The following ADGRV1 variants were observed in gnomAD, a reference collection of about 807,000 sequenced individuals.
The protein encoded by ADGRV1 is G-protein coupled receptor 98.
Under a neutral mutation model 596.2 loss-of-function variants are expected in ADGRV1, and 359 were observed. The observed-to-expected ratio is 0.60, with a 90% CI of 0.55 to 0.66. The LOEUF is 0.66. ADGRV1 is among the 30% of genes least tolerant of loss of function. The pLI is 0.00. For synonymous variants in ADGRV1, 2,681 were observed against 2,679.2 expected (o/e 1.00, Z -0.02); for missense variants, 7,274 against 7,575.6 (o/e 0.96, Z 1.48).
chr5:90,813,167 T>TAAAAAA (rs1561786626), intron 74 of ADGRV1, among the ~76,000 whole-genome samples: 2 of 104,334 alleles, frequency 1.9e-5, no homozygotes, highest in Non-Finnish European at 3.8e-5. Context: ...AAAAAAAATT[T>TAAAAAA]ATTTGGCAGT....
chr5:91,081,681 G>A (rs1789398117), intron 86 of ADGRV1, among the ~76,000 whole-genome samples: 2 of 152,162 alleles, frequency 1.3e-5, no homozygotes, highest in South Asian at 4.1e-4. Context: ...AGCTACTTGG[G>A]AGGCTGAGGC....
At chr5:91,014,008 A>T (rs1423495404) in intron 85 of ADGRV1, among the ~76,000 whole-genome samples, 2 of 151,844 alleles carry the variant, frequency 1.3e-5, no homozygotes, top group Admixed American at 6.6e-5. Context: ...TAAAGATCAG[A>T]TGATCCTAGG....
At chr5:90,703,227 A>G (rs1157075800) in intron 34 of ADGRV1, among the ~76,000 whole-genome samples, 3 of 152,094 alleles carry the variant, frequency 2.0e-5, no homozygotes, top group Non-Finnish European at 2.9e-5. Flanking sequence ...AGGTATTTGC[A>G]AGCATTTTTA....
In ADGRV1 at chr5:90,694,541, TGTTGAA is replaced by T. The variant is rs1376098351; in HGVS notation, c.7789_7794del (p.Glu2597_Val2598del). The stretch of plus-strand genomic sequence containing the variant: ...CCAATACTTCCGAAGATGGCTTATT[TGTTGAA>T]GTTCAGGAGCAGCCCCAAACCTTGG... On this transcript the variant is annotated inframe_deletion, in exon 33 of 90. Coordinates refer to ENST00000405460, the MANE Select transcript of ADGRV1 (RefSeq NM_032119.4). 6.2e-7 allele frequency: 1 copy of T among 1,613,918 alleles called. No individual in the cohort carries two copies. Among genetic ancestry groups the T allele is most frequent in the Non-Finnish European group, 8.5e-7 (1 of 1,179,830 alleles).
chr5:90,648,775 C>T (rs1281226397), intron 17 of ADGRV1, among the ~76,000 whole-genome samples: 2 of 152,178 alleles, frequency 1.3e-5, no homozygotes, highest in Non-Finnish European at 2.9e-5. Context: ...AAACTAAAAA[C>T]TATTATCCTG....
chr5:90,643,462 G>A (rs1445016508), intron 13 of ADGRV1, among the ~76,000 whole-genome samples: 1 of 152,090 alleles, frequency 6.6e-6, no homozygotes, highest in East Asian at 1.9e-4. Context: ...GTTCTATTAT[G>A]CTTACTCACC....
intron 87 of ADGRV1, among the ~76,000 whole-genome samples, chr5:91,127,431 C>T (rs907411667): frequency 1.3e-5 from 2 of 150,674 alleles, no homozygotes; most frequent in Admixed American, 1.3e-4. Context: ...CCAGCTACTC[C>T]AGAGGCTGAG....
intron 83 of ADGRV1, among the ~76,000 whole-genome samples, chr5:90,915,212 C>T (rs1228933163): frequency 2.0e-5 from 3 of 152,022 alleles, no homozygotes; most frequent in African/African-American, 7.3e-5. Flanking sequence ...AAAGGTATTC[C>T]AATGTACTTT....
At chr5:90,753,520 A>C in intron 53 of ADGRV1, 54 bp from the exon 54 acceptor site, 1 of 1,301,654 alleles carries the variant, frequency 7.7e-7, no homozygotes, top group Non-Finnish European at 1.1e-6. Context: ...AAATATTCTT[A>C]CTACATAGTG....
chr5:90,877,799 A>G (rs1410495247), intron 83 of ADGRV1, among the ~76,000 whole-genome samples: 1 of 151,934 alleles, frequency 6.6e-6, no homozygotes, highest in Non-Finnish European at 1.5e-5. Flanking sequence ...CTCACAAGAC[A>G]TAAATCAATA....
At chr5:90,765,610 A>G (rs1445323269) in intron 59 of ADGRV1, among the ~76,000 whole-genome samples, 2 of 152,078 alleles carry the variant, frequency 1.3e-5, no homozygotes, top group African/African-American at 4.8e-5. Context: ...ATCACCTTAA[A>G]TATTTTTTCT....
chr5:91,061,890 C>T (rs1286015639), intron 85 of ADGRV1, among the ~76,000 whole-genome samples: 3 of 152,188 alleles, frequency 2.0e-5, no homozygotes, highest in Non-Finnish European at 2.9e-5. Flanking sequence ...CTCCCTTTTT[C>T]TCTCTATCAC....
intron 83 of ADGRV1, among the ~76,000 whole-genome samples, chr5:90,904,233 A>G (rs138964502): frequency 6.6e-6 from 1 of 152,206 alleles, no homozygotes; most frequent in African/African-American, 2.4e-5. Context: ...GGGAATGCAG[A>G]TATCTCTTCA....
Position 90,853,186 on chromosome 5 carries a change from A to G in ADGRV1, c.17205-98A>G. On this transcript the variant is annotated intron_variant, in intron 79 of 89. Transcript: ENST00000405460. Reference sequence around the variant, plus strand: ...TTTGTTGTGTTATTGTTATACATGAAGAATAGAATCCAAGTGTAATGCACT... The same window carrying G: ...TTTGTTGTGTTATTGTTATACATGAGGAATAGAATCCAAGTGTAATGCACT... 2.6e-6 allele frequency: 3 copies of G among 1,154,210 alleles called. No individual in the cohort carries two copies. In the East Asian group the frequency reaches 7.1e-5, roughly 27 times the overall value. The allele number at this position is 1,154,210 out of a possible 1,614,324, so 71.5% of individuals were successfully genotyped here. A position where few individuals can be genotyped will look rare whatever the true frequency, so the allele number is the denominator to read the frequency against.
chr5:90,770,129 C>T (rs1428030834), intron 59 of ADGRV1, among the ~76,000 whole-genome samples: 1 of 152,128 alleles, frequency 6.6e-6, no homozygotes, highest in Non-Finnish European at 1.5e-5. Context: ...TTAATGGACT[C>T]ACAGTTCCAC....
At chr5:90,818,898 C>T (rs1419438909) in intron 75 of ADGRV1, among the ~76,000 whole-genome samples, 14 of 149,232 alleles carry the variant, frequency 9.4e-5, no homozygotes, top group Middle Eastern at 3.4e-3. Flanking sequence ...TGTCTCTGCC[C>T]GGCTTTGGTA....
intron 62 of ADGRV1, 55 bp from the exon 63 acceptor site, chr5:90,778,372 G>A: frequency 6.8e-7 from 1 of 1,463,464 alleles, no homozygotes; most frequent in South Asian, 1.2e-5. Context: ...GAGGTTAGGA[G>A]TTTTTCTTGA....
At chr5:91,063,661 T>C (rs2151366246) in intron 85 of ADGRV1, among the ~76,000 whole-genome samples, 1 of 152,342 alleles carries the variant, frequency 6.6e-6, no homozygotes, top group East Asian at 1.9e-4. Flanking sequence ...AAGAACAGTT[T>C]TTATGTTTTC....
chr5:90,720,161 G>C lies in ADGRV1; in HGVS notation c.9561G>C (p.Leu3187=). The C allele has an allele frequency of 3.7e-6, 6 of 1,610,108 alleles. No individual in the cohort carries two copies. The highest frequency in any genetic ancestry group is 5.1e-6 in the Non-Finnish European group (6 of 1,178,170). ...GARLGVHVQT[L]ITVLQNQAPL... Reference sequence around the variant, plus strand: ...GACTAGGGGTGCATGTTCAAACCCTGATAACAGTTTTGCAAAACCAGGCCC... The same window carrying C: ...GACTAGGGGTGCATGTTCAAACCCTCATAACAGTTTTGCAAAACCAGGCCC... The change falls in exon 44 of 90, where the codon CTG becomes CTC. Residue 3187 remains leucine (L), a synonymous_variant. Coordinates refer to ENST00000405460, the MANE Select transcript of ADGRV1 (RefSeq NM_032119.4).
Sources: gnomAD v4.1 joint callset for allele counts (sites outside exome capture counted in the v4.1 genomes callset) on GRCh38, gnomAD v4.1.1 for gene constraint, MANE v1.5 for transcripts, NCBI Gene and HGNC (gene_info 2026-07-23, HGNC 2026-07-21) for gene names.